Variants in FREM1 observed in about 807,000 individuals in gnomAD.
FREM1 encodes the protein FRAS1-related extracellular matrix protein 1.
A neutral mutation model predicts 210.1 loss-of-function variants in FREM1; 220 were observed. That is an observed-to-expected ratio of 1.05 (90% CI 0.94 to 1.17). The LOEUF (loss-of-function observed/expected upper bound fraction) is 1.17, where lower values mean the gene tolerates loss of function less well. Ranked by LOEUF, FREM1 falls within the 50% of genes most tolerant of loss-of-function variation. The pLI is 0.00. For missense variants in FREM1, 3,454 were observed against 2,675.5 expected, an observed-to-expected ratio of 1.29 and a Z score of -6.42; for synonymous variants, 1,189 against 980.2, an observed-to-expected ratio of 1.21 and a Z score of -3.98.
At chr9:14,897,464 G>C (rs116065225) in intron 1 of FREM1, among the ~76,000 whole-genome samples, 1,383 of 127,184 alleles carry the variant, frequency 0.011, 24 homozygotes, top group African/African-American at 0.044. Context: ...ATTGGTTGTT[G>C]CTTTACCCAC....
At chr9:14,787,187 T>A (rs1223807822) in intron 23 of FREM1, among the ~76,000 whole-genome samples, 1 of 152,206 alleles carries the variant, frequency 6.6e-6, no homozygotes, top group East Asian at 1.9e-4. Context: ...TCTAACTCTT[T>A]AGTATAGTCT....
chr9:14,802,864 A>G (rs1431197443), intron 19 of FREM1, among the ~76,000 whole-genome samples: 2 of 152,196 alleles, frequency 1.3e-5, no homozygotes, highest in Non-Finnish European at 2.9e-5. Context: ...GTGCTGCTAG[A>G]TATTCATAAA....
At chr9:14,779,182 G>A (rs1294263075) in intron 24 of FREM1, among the ~76,000 whole-genome samples, 1 of 151,998 alleles carries the variant, frequency 6.6e-6, no homozygotes, top group Non-Finnish European at 1.5e-5. Context: ...TCCCCCTCCA[G>A]AAATATGTTT....
chr9:14,872,484 T>G (rs1304305582), intron 1 of FREM1, among the ~76,000 whole-genome samples: 1 of 152,236 alleles, frequency 6.6e-6, no homozygotes, highest in Non-Finnish European at 1.5e-5. Flanking sequence ...TTTATTGGTG[T>G]ATAAGAATGC....
intron 18 of FREM1, among the ~76,000 whole-genome samples, chr9:14,806,253 C>CTT (rs35603165): frequency 0.011 from 1,467 of 129,704 alleles, 26 homozygotes; most frequent in African/African-American, 0.026. Flanking sequence ...GTGCTTTAAA[C>CTT]TTTTTTTTTT....
chr9:14,804,667 C>T (rs1253852834), intron 19 of FREM1, among the ~76,000 whole-genome samples: 6 of 152,068 alleles, frequency 3.9e-5, no homozygotes, highest in African/African-American at 1.4e-4. Flanking sequence ...TCAGAAGCCC[C>T]GACCCTAGGC....
At chr9:14,845,223 AT>A (rs1305790668) in intron 8 of FREM1, among the ~76,000 whole-genome samples, 3 of 152,208 alleles carry the variant, frequency 2.0e-5, no homozygotes, top group African/African-American at 7.2e-5. Context: ...TTATAAATTT[AT>A]TTCTTTTAAA....
At chr9:14,741,459 C>A (rs192284840) in intron 35 of FREM1, among the ~76,000 whole-genome samples, 1 of 152,236 alleles carries the variant, frequency 6.6e-6, no homozygotes, top group East Asian at 1.9e-4. Flanking sequence ...GGCCTTAGAC[C>A]GCTGGATTGG....
At chr9:14,909,149 G>A (rs532059859) in intron 1 of FREM1, among the ~76,000 whole-genome samples, 1 of 152,108 alleles carries the variant, frequency 6.6e-6, no homozygotes, top group East Asian at 1.9e-4. Context: ...CTCTTTTTAA[G>A]CTTTGTAATG....
chr9:14,896,770 G>A (rs766578837), intron 1 of FREM1, among the ~76,000 whole-genome samples: 2 of 152,158 alleles, frequency 1.3e-5, no homozygotes, highest in African/African-American at 4.8e-5. Flanking sequence ...GGAGCAAAAT[G>A]CTCTAATGAT....
chr9:14,894,740 TG>T (rs1837410838), intron 1 of FREM1, among the ~76,000 whole-genome samples: 1 of 152,214 alleles, frequency 6.6e-6, no homozygotes, highest in Admixed American at 6.5e-5. Context: ...ATTTGGAGCA[TG>T]TTTGTTTCTC....
At chr9:14,799,122 T>G (rs1259387158) in intron 20 of FREM1, among the ~76,000 whole-genome samples, 1 of 152,034 alleles carries the variant, frequency 6.6e-6, no homozygotes, top group Non-Finnish European at 1.5e-5. Flanking sequence ...CTACAAAACT[T>G]TTTTTTCATC....
chr9:14,813,735 G>A (rs1819806120), intron 15 of FREM1, among the ~76,000 whole-genome samples: 1 of 150,696 alleles, frequency 6.6e-6, no homozygotes, highest in Non-Finnish European at 1.5e-5. Context: ...AAAAGATCGT[G>A]TAGAAATCTG....
At chr9:14,757,536 T>C (rs934729147) in intron 28 of FREM1, among the ~76,000 whole-genome samples, 6 of 152,046 alleles carry the variant, frequency 3.9e-5, no homozygotes, top group South Asian at 2.1e-4. Flanking sequence ...GCCCGGGTGA[T>C]AGAGTGAGAT....
chr9:14,789,701 G>C (rs151320420), intron 22 of FREM1, among the ~76,000 whole-genome samples: 9 of 152,170 alleles, frequency 5.9e-5, no homozygotes, highest in African/African-American at 2.2e-4. Context: ...AATATAAACT[G>C]CAAATATCGT....
intron 35 of FREM1, among the ~76,000 whole-genome samples, chr9:14,744,991 A>ATTATCTGTAGC (rs1179464426): frequency 6.6e-6 from 1 of 152,214 alleles, no homozygotes; most frequent in Non-Finnish European, 1.5e-5. Context: ...GCTGGGGGTC[A>ATTATCTGTAGC]TTATCTGTAG....
In FREM1 at chr9:14,888,026, G is replaced by C. The variant is rs779927437; in HGVS notation, c.-267-18782C>G. On this transcript the variant is annotated intron_variant, in intron 1 of 36. Coordinates refer to ENST00000380880, the MANE Select transcript of FREM1 (RefSeq NM_001379081.2). ...TTGGCCAAGCTGGTGTCAAACTCTT[G>C]ACCTCAAGTGATCCGCCCTCCTCAG... 3.5e-4 allele frequency among the ~76,000 whole-genome samples: 53 copies of C among 152,130 alleles called. 1 individual carries two copies. Among genetic ancestry groups the C allele is most frequent in the Non-Finnish European group, 7.1e-4 (48 of 68,028 alleles).
At chr9:14,868,431 T>G (rs1417749088) in intron 2 of FREM1, among the ~76,000 whole-genome samples, 2 of 152,200 alleles carry the variant, frequency 1.3e-5, no homozygotes, top group Non-Finnish European at 1.5e-5. Context: ...AAAAATTACA[T>G]GCATCCATAT....
chr9:14,770,852 C>T (rs747272939), intron 25 of FREM1, 46 bp from the exon 26 acceptor site: 2 of 1,418,080 alleles, frequency 1.4e-6, no homozygotes, highest in Non-Finnish European at 2.0e-6. Context: ...AGGCCCCTCA[C>T]CCCCATGCAA....
Sources: allele counts gnomAD v4.1 joint callset (sites outside exome capture counted in the v4.1 genomes callset), GRCh38; gene constraint gnomAD v4.1.1; transcripts MANE v1.5; gene names NCBI Gene and HGNC (gene_info 2026-07-23, HGNC 2026-07-21).